Variants in CNTNAP2 observed in about 807,000 individuals in gnomAD.
CNTNAP2 encodes the protein contactin-associated protein-like 2.
Under a neutral mutation model 155.2 loss-of-function variants are expected in CNTNAP2, and 98 were observed. The ratio of observed to expected loss-of-function variants is 0.63; its 90% CI spans 0.54 to 0.75. The LOEUF (loss-of-function observed/expected upper bound fraction) is 0.75. Ranked by LOEUF, CNTNAP2 falls within the 30% of genes least tolerant of loss-of-function variation. The probability of loss-of-function intolerance (pLI) is 0.00; values close to 1 mark genes in which losing one functional copy is unlikely to be tolerated. For missense variants in CNTNAP2, 1,727 were observed against 1,688.1 expected (o/e 1.02, Z -0.40); for synonymous variants, 651 against 631.2 (o/e 1.03, Z -0.47).
chr7:146,400,398 A>C (rs1300681859), intron 1 of CNTNAP2, among the ~76,000 whole-genome samples: 1 of 152,224 alleles, frequency 6.6e-6, no homozygotes, highest in Non-Finnish European at 1.5e-5. Context: ...TGGAGTAACT[A>C]GACAGGCATG....
At chr7:147,390,120 C>T (rs2116441547) in intron 9 of CNTNAP2, among the ~76,000 whole-genome samples, 1 of 152,236 alleles carries the variant, frequency 6.6e-6, no homozygotes, top group East Asian at 1.9e-4. Context: ...AATAGGTTCT[C>T]CTCTGTTTCT....
intron 1 of CNTNAP2, among the ~76,000 whole-genome samples, chr7:146,424,766 C>A (rs1796063913): frequency 6.6e-6 from 1 of 152,044 alleles, no homozygotes; most frequent in Non-Finnish European, 1.5e-5. Context: ...TTTGTTTTTG[C>A]ATAGATTTCA....
chr7:146,899,396 G>C (rs1204740932), intron 3 of CNTNAP2, among the ~76,000 whole-genome samples: 3 of 152,140 alleles, frequency 2.0e-5, no homozygotes, highest in Admixed American at 6.6e-5. Context: ...TTCCAGGTGA[G>C]AGCCCCGAAA....
At chr7:147,299,712 C>A (rs1306491008) in intron 8 of CNTNAP2, among the ~76,000 whole-genome samples, 1 of 152,134 alleles carries the variant, frequency 6.6e-6, no homozygotes, top group African/African-American at 2.4e-5. Flanking sequence ...TAAGATCTAG[C>A]AAAGCTAACC....
At position 148,206,258 on chromosome 7, in the gene CNTNAP2, TTATA is replaced by T. The variant is rs1269504165; in HGVS notation, c.3011-11025_3011-11022del. 2.7e-5 allele frequency among the ~76,000 whole-genome samples: 4 copies of T among 147,724 alleles called. 1 individual carries two copies. Among genetic ancestry groups the T allele is most frequent in the African/African-American group, 7.4e-5 (3 of 40,808 alleles). ...TATGTAACATTAAAAATTATTTTAA[TTATA>T]TATAATATAATGTTAAATATAAATA... is the stretch of plus-strand genomic sequence containing the variant. On this transcript the variant is annotated intron_variant, in intron 18 of 23. Coordinates refer to ENST00000361727, the MANE Select transcript of CNTNAP2 (RefSeq NM_014141.6).
intron 10 of CNTNAP2, among the ~76,000 whole-genome samples, chr7:147,407,354 G>A (rs1797022597): frequency 6.6e-6 from 1 of 151,488 alleles, no homozygotes; most frequent in Admixed American, 6.6e-5. Flanking sequence ...TGTAGTCCCA[G>A]CTACTCGGGA....
intron 23 of CNTNAP2, among the ~76,000 whole-genome samples, chr7:148,414,300 A>G (rs1235743144): frequency 6.6e-6 from 1 of 151,944 alleles, no homozygotes; most frequent in Admixed American, 6.6e-5. Flanking sequence ...GGCTGGTCTT[A>G]AACTCCTGAC....
At chr7:148,065,497 G>A (rs899844129) in intron 15 of CNTNAP2, among the ~76,000 whole-genome samples, 2 of 152,080 alleles carry the variant, frequency 1.3e-5, no homozygotes, top group Admixed American at 1.3e-4. Flanking sequence ...ATTTAATATT[G>A]TGATATTTTC....
chr7:146,476,535 G>A (rs971271937), intron 1 of CNTNAP2, among the ~76,000 whole-genome samples: 2 of 152,060 alleles, frequency 1.3e-5, no homozygotes, highest in African/African-American at 2.4e-5. Context: ...GGAGAGGCAA[G>A]CATTTTGTGC....
chr7:147,683,526 T>C (rs1353653532), intron 13 of CNTNAP2, among the ~76,000 whole-genome samples: 1 of 151,874 alleles, frequency 6.6e-6, no homozygotes, highest in East Asian at 1.9e-4. Context: ...TTTCATTAAA[T>C]TTGACTTAAC....
intron 14 of CNTNAP2, among the ~76,000 whole-genome samples, chr7:147,954,947 G>A (rs1473613795): frequency 2.6e-5 from 4 of 152,094 alleles, no homozygotes; most frequent in African/African-American, 9.7e-5. Flanking sequence ...ACCTTATCCA[G>A]TCTCCAACGT....
intron 8 of CNTNAP2, among the ~76,000 whole-genome samples, chr7:147,172,397 A>AT (rs1459644624): frequency 6.6e-6 from 1 of 152,186 alleles, no homozygotes; most frequent in Non-Finnish European, 1.5e-5. Context: ...ATAATGCATT[A>AT]TGCATTCTCT....
At chr7:146,382,810 T>C (rs1795408930) in intron 1 of CNTNAP2, among the ~76,000 whole-genome samples, 1 of 152,162 alleles carries the variant, frequency 6.6e-6, no homozygotes, top group Non-Finnish European at 1.5e-5. Flanking sequence ...CCATGAGTTA[T>C]GACTAACCGA....
chr7:147,982,744 A>G (rs769936984), intron 15 of CNTNAP2, among the ~76,000 whole-genome samples: 2 of 152,278 alleles, frequency 1.3e-5, no homozygotes, highest in Middle Eastern at 6.8e-3. Context: ...ATGGCCAGGC[A>G]TGGTGGCTCA....
At chr7:146,474,399 A>T in intron 1 of CNTNAP2, among the ~76,000 whole-genome samples, 1 of 145,968 alleles carries the variant, frequency 6.9e-6, no homozygotes, top group African/African-American at 2.6e-5. Context: ...TTCTTATTTT[A>T]TTTATTTATT....
intron 1 of CNTNAP2, among the ~76,000 whole-genome samples, chr7:146,130,329 G>T (rs1258252184): frequency 2.0e-5 from 3 of 152,136 alleles, no homozygotes; most frequent in Non-Finnish European, 4.4e-5. Context: ...GCCAAGTGTG[G>T]TGGTGTGTGT....
intron 1 of CNTNAP2, among the ~76,000 whole-genome samples, chr7:146,134,472 C>T (rs1360437727): frequency 1.6e-4 from 24 of 151,498 alleles, no homozygotes; most frequent in Non-Finnish European, 4.4e-5. Flanking sequence ...TGAGAGAGGG[C>T]ATCCCTGTCT....
chr7:148,081,390 A>G (rs1441094086), intron 15 of CNTNAP2, among the ~76,000 whole-genome samples: 1 of 151,982 alleles, frequency 6.6e-6, no homozygotes, highest in African/African-American at 2.4e-5. Flanking sequence ...CAAAAGGCCG[A>G]CCCACCCTTA....
intron 13 of CNTNAP2, among the ~76,000 whole-genome samples, chr7:147,657,747 G>A (rs1795546880): frequency 1.3e-5 from 2 of 152,186 alleles, no homozygotes; most frequent in South Asian, 4.1e-4. Flanking sequence ...TATTTTTAAT[G>A]AGAAAGTAGA....
Sources: allele counts gnomAD v4.1 joint callset (sites outside exome capture counted in the v4.1 genomes callset), GRCh38; gene constraint gnomAD v4.1.1; transcripts MANE v1.5; gene names NCBI Gene and HGNC (gene_info 2026-07-23, HGNC 2026-07-21).